The following CDK14 variants were observed in gnomAD, a reference collection of about 807,000 sequenced individuals.
CDK14 encodes cyclin-dependent kinase 14.
In CDK14, 34 loss-of-function variants were observed where a neutral mutation model predicts 60.7. The ratio of observed to expected loss-of-function variants is 0.56; its 90% CI spans 0.43 to 0.75. The LOEUF is 0.75. CDK14 is among the 30% of genes least tolerant of loss of function. The pLI is 0.00. For synonymous variants in CDK14, 197 were observed against 203.7 expected (o/e 0.97, Z 0.28); for missense variants, 482 against 564.1 (o/e 0.85, Z 1.47).
intron 5 of CDK14, among the ~76,000 whole-genome samples, chr7:90,793,185 A>G (rs892582300): frequency 6.6e-6 from 1 of 152,226 alleles, no homozygotes; most frequent in African/African-American, 2.4e-5. Context: ...ACTCTACAAT[A>G]GTAAGTGACT....
intron 2 of CDK14, among the ~76,000 whole-genome samples, chr7:90,640,590 T>G (rs926157645): frequency 6.6e-6 from 1 of 152,080 alleles, no homozygotes; most frequent in African/African-American, 2.4e-5. Flanking sequence ...TAATGTATGT[T>G]TTATATGGAT....
intron 2 of CDK14, among the ~76,000 whole-genome samples, chr7:90,662,429 G>T (rs1800882751): frequency 6.6e-6 from 1 of 152,186 alleles, no homozygotes; most frequent in African/African-American, 2.4e-5. Flanking sequence ...GCCAGAGATG[G>T]GGACATTTAA....
At position 90,963,086 on chromosome 7, in the gene CDK14, A is replaced by AGTGTGTGTGTGTGTGT. The variant is rs34662049; in HGVS notation, c.947+7292_947+7307dup. On this transcript the variant is annotated intron_variant, in intron 9 of 14. Coordinates refer to ENST00000380050, the MANE Select transcript of CDK14 (RefSeq NM_001287135.2). ...TGGCCCAGGATATTCTCATCTTAAG[A>AGTGTGTGTGTGTGTGT]GTGTGTGTGTGTGTGTGTGTGTGTG... 1.7e-3 allele frequency among the ~76,000 whole-genome samples: 236 copies of AGTGTGTGTGTGTGTGT among 142,166 alleles called. 1 individual carries two copies. The highest frequency in any genetic ancestry group is 3.5e-3 in the Middle Eastern group (1 of 288). The allele number at this position is 142,166 out of a possible 152,430, so 93.3% of individuals were successfully genotyped here.
intron 14 of CDK14, among the ~76,000 whole-genome samples, chr7:91,119,245 C>T (rs1799710335): frequency 6.6e-6 from 1 of 152,104 alleles, no homozygotes; most frequent in Non-Finnish European, 1.5e-5. Flanking sequence ...CTTTGGGAGG[C>T]CGAGGCAGGC....
At chr7:91,128,771 T>C (rs1001968542) in intron 14 of CDK14, among the ~76,000 whole-genome samples, 4 of 152,120 alleles carry the variant, frequency 2.6e-5, no homozygotes, top group Admixed American at 2.0e-4. Flanking sequence ...TGTGCATGCC[T>C]GGTCTCATTG....
At chr7:90,618,146 A>G (rs1208089702) in intron 2 of CDK14, among the ~76,000 whole-genome samples, 2 of 152,200 alleles carry the variant, frequency 1.3e-5, no homozygotes, top group African/African-American at 4.8e-5. Context: ...TTTATTTCAT[A>G]TTATGACAGC....
chr7:90,850,136 C>T (rs1194085257), intron 5 of CDK14, among the ~76,000 whole-genome samples: 1 of 151,892 alleles, frequency 6.6e-6, no homozygotes, highest in Admixed American at 6.6e-5. Context: ...TATAATCTCC[C>T]TTTGTTTGTC....
chr7:91,161,184 T>C (rs1247737813), intron 14 of CDK14, among the ~76,000 whole-genome samples: 1 of 151,984 alleles, frequency 6.6e-6, no homozygotes, highest in Admixed American at 6.6e-5. Flanking sequence ...TCTGGACGGG[T>C]TGATAGGATT....
At chr7:90,907,956 C>T (rs1357146872) in intron 7 of CDK14, among the ~76,000 whole-genome samples, 1 of 152,112 alleles carries the variant, frequency 6.6e-6, no homozygotes, top group East Asian at 1.9e-4. Flanking sequence ...ATTAGAGCTT[C>T]TCATTTAGCT....
At chr7:91,033,379 G>T (rs1487561459) in intron 10 of CDK14, among the ~76,000 whole-genome samples, 2 of 152,114 alleles carry the variant, frequency 1.3e-5, no homozygotes, top group South Asian at 2.1e-4. Context: ...TCTTACATAG[G>T]CACTCCAGAT....
At chr7:90,795,549 T>C (rs62471261) in intron 5 of CDK14, among the ~76,000 whole-genome samples, 12,603 of 151,886 alleles carry the variant, frequency 0.083, 585 homozygotes, top group South Asian at 0.11. Flanking sequence ...TTCATAGTAG[T>C]AAAGGCAAAA....
At chr7:90,751,817 G>A (rs1051371826) in intron 4 of CDK14, among the ~76,000 whole-genome samples, 2 of 152,154 alleles carry the variant, frequency 1.3e-5, no homozygotes, top group African/African-American at 2.4e-5. Context: ...TAGGCTCAAA[G>A]TAAAGGGTTG....
chr7:90,629,066 T>G (rs1245141825), intron 2 of CDK14, among the ~76,000 whole-genome samples: 1 of 152,110 alleles, frequency 6.6e-6, no homozygotes, highest in East Asian at 1.9e-4. Context: ...CTAAAAGTAC[T>G]TTTTTGTTTT....
chr7:91,168,558 G>A (rs1289942693), intron 14 of CDK14, among the ~76,000 whole-genome samples: 2 of 152,138 alleles, frequency 1.3e-5, no homozygotes, highest in Non-Finnish European at 2.9e-5. Context: ...ATTATATGAT[G>A]CATTGGGGAA....
At chr7:90,985,382 C>T (rs1051613023) in intron 10 of CDK14, among the ~76,000 whole-genome samples, 9 of 152,084 alleles carry the variant, frequency 5.9e-5, no homozygotes, top group Non-Finnish European at 1.0e-4. Context: ...GAATAATTGA[C>T]TAATATAGTT....
chr7:90,831,226 TCA>T (rs527805428), intron 5 of CDK14, among the ~76,000 whole-genome samples: 1 of 152,184 alleles, frequency 6.6e-6, no homozygotes, highest in Non-Finnish European at 1.5e-5. Context: ...TTTAATTGAC[TCA>T]CAGTTCAGCA....
chr7:91,206,640 G>T (rs955159507), intron 14 of CDK14, among the ~76,000 whole-genome samples: 2 of 152,164 alleles, frequency 1.3e-5, no homozygotes, highest in African/African-American at 4.8e-5. Flanking sequence ...TTGGGAAGAG[G>T]CTGCCAATTC....
chr7:90,877,954 T>C (rs2117272151), intron 6 of CDK14, among the ~76,000 whole-genome samples: 1 of 152,114 alleles, frequency 6.6e-6, no homozygotes, highest in African/African-American at 2.4e-5. Flanking sequence ...GAGCAGCCAG[T>C]CTCCATGAGA....
intron 5 of CDK14, among the ~76,000 whole-genome samples, chr7:90,852,603 A>G (rs1253467362): frequency 6.6e-6 from 1 of 152,176 alleles, no homozygotes; most frequent in Admixed American, 6.5e-5. Context: ...TAGATTAAAT[A>G]TCTCATAAAC....
Sources: gnomAD v4.1 joint callset for allele counts (sites outside exome capture counted in the v4.1 genomes callset) on GRCh38, gnomAD v4.1.1 for gene constraint, MANE v1.5 for transcripts, NCBI Gene and HGNC (gene_info 2026-07-23, HGNC 2026-07-21) for gene names.